The following RORB variants were observed in gnomAD, a reference collection of about 807,000 sequenced individuals.
RORB encodes RAR related orphan receptor B, also known as nuclear receptor ROR-beta.
RORB carries 6 observed loss-of-function variants against 59.1 expected under a neutral mutation model. The ratio of observed to expected loss-of-function variants is 0.10; its 90% CI spans 0.06 to 0.20. RORB has a LOEUF of 0.20. RORB is among the 10% of genes least tolerant of loss of function. The probability of loss-of-function intolerance (pLI) is 1.00; values close to 1 mark genes in which losing one functional copy is unlikely to be tolerated. For missense variants in RORB, 320 were observed against 560.5 expected, an observed-to-expected ratio of 0.57 and a Z score of 4.33; for synonymous variants, 215 against 204.5, an observed-to-expected ratio of 1.05 and a Z score of -0.44.
chr9:74,499,468 G>A (rs1178869030), intron 1 of RORB, among the ~76,000 whole-genome samples: 1 of 152,196 alleles, frequency 6.6e-6, no homozygotes, highest in African/African-American at 2.4e-5. Flanking sequence ...AAGGAACGGA[G>A]AGAGACTGTC....
chr9:74,503,949 C>T (rs1271775349), intron 1 of RORB, among the ~76,000 whole-genome samples: 1 of 152,010 alleles, frequency 6.6e-6, no homozygotes, highest in Non-Finnish European at 1.5e-5. Flanking sequence ...TATAGTGAAT[C>T]AAGCTACATA....
chr9:74,574,664 G>C lies in RORB; in HGVS notation c.8-55618G>C, dbSNP rs185320066. Among the ~76,000 whole-genome samples, 179 of 152,112 alleles carry C rather than the reference G, an allele frequency of 1.2e-3. 1 individual carries two copies. The highest frequency in any genetic ancestry group is 3.7e-3 in the African/African-American group (155 of 41,502). ...TTGGGCACAGACTCCAACCTTTTGGGATCTCCCGTAACTTGTAGGTAAATT... is the reference window on the plus strand; with the variant it reads ...TTGGGCACAGACTCCAACCTTTTGGCATCTCCCGTAACTTGTAGGTAAATT... On this transcript the variant is annotated intron_variant, in intron 1 of 9. Coordinates refer to ENST00000376896, the MANE Select transcript of RORB (RefSeq NM_006914.4).
rs535993026 is a variant in RORB, at chr9:74,614,726, CTAAG to C, written c.8-15552_8-15549del. On this transcript the variant is annotated intron_variant, in intron 1 of 9. Transcript: ENST00000376896. The stretch of plus-strand genomic sequence containing the variant: ...TCATCATGCAAGCAACTGAGCAACT[CTAAG>C]TAAAGTTAAATAAAGCTAATACATA... 7.2e-3 allele frequency among the ~76,000 whole-genome samples: 1,100 copies of C among 152,184 alleles called. 18 individuals carry two copies. The highest frequency in any genetic ancestry group is 0.025 in the African/African-American group (1,044 of 41,520).
intron 1 of RORB, among the ~76,000 whole-genome samples, chr9:74,528,848 A>C (rs1456653438): frequency 6.6e-6 from 1 of 151,968 alleles, no homozygotes; most frequent in Non-Finnish European, 1.5e-5. Context: ...CGTGAAGTGG[A>C]TATTGCTATT....
At chr9:74,654,734 ATATAAAGT>A (rs1297327406) in intron 4 of RORB, among the ~76,000 whole-genome samples, 10 of 152,220 alleles carry the variant, frequency 6.6e-5, no homozygotes, top group African/African-American at 2.2e-4. Flanking sequence ...GTTGCTCAAT[ATATAAAGT>A]TATAAATTCT....
intron 1 of RORB, among the ~76,000 whole-genome samples, chr9:74,521,168 C>T (rs1163158738): frequency 6.6e-6 from 1 of 151,758 alleles, no homozygotes; most frequent in East Asian, 1.9e-4. Flanking sequence ...TAATTTATTC[C>T]AAATAATGTT....
chr9:74,648,493 A>G (rs916857724), intron 4 of RORB, among the ~76,000 whole-genome samples: 11 of 152,198 alleles, frequency 7.2e-5, no homozygotes, highest in Non-Finnish European at 1.5e-4. Context: ...CGTCACACAG[A>G]TAAGAGTAGG....
chr9:74,503,721 T>C (rs1432691185), intron 1 of RORB, among the ~76,000 whole-genome samples: 1 of 152,006 alleles, frequency 6.6e-6, no homozygotes, highest in Non-Finnish European at 1.5e-5. Context: ...TGCCATGAAT[T>C]TGAAGGATGT....
chr9:74,596,449 G>A (rs1001621365), intron 1 of RORB, among the ~76,000 whole-genome samples: 1 of 152,160 alleles, frequency 6.6e-6, no homozygotes, highest in African/African-American at 2.4e-5. Context: ...TGATTATTGT[G>A]TGTCGTGGCC....
chr9:74,657,897 C>T (rs111793580), intron 4 of RORB, among the ~76,000 whole-genome samples: 32,412 of 147,966 alleles, frequency 0.22, 3,834 homozygotes, highest in Admixed American at 0.27. Context: ...CACAGCTACT[C>T]GGGAGGCTGA....
intron 7 of RORB, among the ~76,000 whole-genome samples, chr9:74,666,411 T>A (rs1247784433): frequency 6.6e-6 from 1 of 151,430 alleles, no homozygotes; most frequent in East Asian, 1.9e-4. Flanking sequence ...CAGTGAGTCA[T>A]CTTCACACCA....
intron 1 of RORB, among the ~76,000 whole-genome samples, chr9:74,586,972 C>G (rs778705208): frequency 6.6e-6 from 1 of 152,206 alleles, no homozygotes; most frequent in Non-Finnish European, 1.5e-5. Context: ...CCTAACCAAT[C>G]TGTCCACTCC....
chr9:74,512,879 A>G (rs977623600), intron 1 of RORB, among the ~76,000 whole-genome samples: 17 of 152,182 alleles, frequency 1.1e-4, no homozygotes, highest in Non-Finnish European at 1.8e-4. Context: ...TATTATGTGC[A>G]TGGTTCCCAA....
At chr9:74,680,711 T>A (rs1824533864) in intron 9 of RORB, among the ~76,000 whole-genome samples, 1 of 152,128 alleles carries the variant, frequency 6.6e-6, no homozygotes, top group African/African-American at 2.4e-5. Flanking sequence ...ACATGTGAAA[T>A]TGATGTGTTC....
chr9:74,671,680 A>C, intron 8 of RORB, 109 bp from the exon 9 acceptor site: 5 of 587,220 alleles, frequency 8.5e-6, no homozygotes, highest in Non-Finnish European at 1.5e-5. Flanking sequence ...TTCAGAAGCA[A>C]CTTAGAACTA....
chr9:74,685,403 A>G lies in RORB; in HGVS notation c.1225-60A>G, dbSNP rs183692887. On this transcript the variant is annotated intron_variant, in intron 9 of 9. Transcript: ENST00000376896. ...TGGGGCCAGAAAGGACACTGGTTCC[A>G]CAGACAGAGCACTAATGAGCTTCCC... The G allele has an allele frequency of 7.1e-5, 100 of 1,398,778 alleles. No homozygotes were observed. The East Asian group carries it at 2.0e-3, about 28-fold the overall frequency. 86.6% of individuals were successfully genotyped at this position (1,398,778 alleles called of 1,614,324 possible).
intron 1 of RORB, among the ~76,000 whole-genome samples, chr9:74,543,069 C>T (rs1416060006): frequency 1.3e-5 from 2 of 152,176 alleles, no homozygotes; most frequent in African/African-American, 4.8e-5. Context: ...TACATTTGCA[C>T]ATCATTAATT....
At chr9:74,579,719 A>G (rs564511972) in intron 1 of RORB, among the ~76,000 whole-genome samples, 15 of 152,258 alleles carry the variant, frequency 9.9e-5, no homozygotes, top group African/African-American at 2.9e-4. Context: ...AGCAATACGA[A>G]ATGGAAAATA....
At chr9:74,521,431 C>T (rs1398504455) in intron 1 of RORB, among the ~76,000 whole-genome samples, 1 of 151,656 alleles carries the variant, frequency 6.6e-6, no homozygotes, top group Non-Finnish European at 1.5e-5. Flanking sequence ...TAATTTACTC[C>T]ACTGTACAAA....
Sources: gnomAD v4.1 joint callset for allele counts (sites outside exome capture counted in the v4.1 genomes callset) on GRCh38, gnomAD v4.1.1 for gene constraint, MANE v1.5 for transcripts, NCBI Gene and HGNC (gene_info 2026-07-23, HGNC 2026-07-21) for gene names.